NRTN: variants seen among roughly 807,000 people sequenced by gnomAD.
NRTN encodes prepro-neurturin.
NRTN carries 3 observed loss-of-function variants against 7.5 expected under a neutral mutation model. The observed-to-expected ratio is 0.40, with a 90% confidence interval of 0.18 to 1.03. The LOEUF (loss-of-function observed/expected upper bound fraction) is 1.03, where lower values mean the gene tolerates loss of function less well. NRTN is among the 50% of genes least tolerant of loss of function. The pLI, the probability that NRTN is intolerant of heterozygous loss-of-function variation, is 0.34. For synonymous variants in NRTN, 157 were observed against 146.6 expected (o/e 1.07, Z -0.51); for missense variants, 310 against 307.0 (o/e 1.01, Z -0.07).
At chr19:5,812,922 G>A (rs917033530) in intron 1 of NRTN, among the ~76,000 whole-genome samples, 28 of 152,286 alleles carry the variant, frequency 1.8e-4, no homozygotes, top group African/African-American at 6.5e-4. Context: ...ATGCCGCGGC[G>A]TTCACACACA....
In NRTN at chr19:5,811,206, C is replaced by T. The variant is rs534122098; in HGVS notation, c.-399+5755C>T. ...TGAGCCGAGATCGTGCAACTGCACT[C>T]CACAGCGAGACTTTTGTCTTGAAAA... On this transcript the variant is annotated intron_variant, in intron 1 of 2. Coordinates refer to ENST00000303212, the MANE Select transcript of NRTN (RefSeq NM_004558.5). Among the ~76,000 whole-genome samples the T allele has an allele frequency of 3.9e-5, 6 of 152,204 alleles. No individual in the cohort carries two copies. In the South Asian group the frequency reaches 1.2e-3, roughly 32 times the overall value.
In NRTN at chr19:5,828,213, C is replaced by A; in HGVS notation, c.*40C>A. The A allele has an allele frequency of 1.3e-6, 2 of 1,525,150 alleles. No homozygotes were observed. The highest frequency in any genetic ancestry group is 1.8e-6 in the Non-Finnish European group (2 of 1,141,688). The allele number at this position is 1,525,150 out of a possible 1,614,324, so 94.5% of individuals were successfully genotyped here. A position where few individuals can be genotyped will look rare whatever the true frequency, so the allele number is the denominator to read the frequency against. On this transcript the variant is annotated 3_prime_UTR_variant, in exon 3 of 3. Transcript: ENST00000303212. ...GCCGGCGCGGCGGCCACTCCCCCCG[C>A]CTCGACGGCACCACTGGCCGGCCCC...
chr19:5,812,172 GTTA>G (rs58005663), intron 1 of NRTN, among the ~76,000 whole-genome samples: 8 of 149,768 alleles, frequency 5.3e-5, no homozygotes, highest in African/African-American at 1.5e-4. Flanking sequence ...GCCGGGCCCA[GTTA>G]TTATTATTAT....
Position 5,823,957 on chromosome 19 carries a change from G to A in NRTN, c.-209G>A. 2 of 664,658 alleles carry A rather than the reference G, an allele frequency of 3.0e-6. No homozygotes were observed. Among genetic ancestry groups the A allele is most frequent in the South Asian group, 3.6e-5 (2 of 55,532 alleles). The allele number at this position is 664,658 out of a possible 1,614,324, so 41.2% of individuals were successfully genotyped here. ...GGCACTCCGGGACCCCCAGATGGGG[G>A]CGGTTCCCTGTGACTCCTGGCACGG... is the stretch of plus-strand genomic sequence containing the variant. On this transcript the variant is annotated 5_prime_UTR_variant, in exon 2 of 3. Coordinates refer to ENST00000303212, the MANE Select transcript of NRTN (RefSeq NM_004558.5).
intron 2 of NRTN, among the ~76,000 whole-genome samples, chr19:5,827,266 C>G (rs933707135): frequency 6.6e-6 from 1 of 152,106 alleles, no homozygotes; most frequent in African/African-American, 2.4e-5. Flanking sequence ...GGGAAGCAGC[C>G]CCCCAGTGCT....
chr19:5,809,372 A>G (rs966526738), intron 1 of NRTN, among the ~76,000 whole-genome samples: 22 of 148,040 alleles, frequency 1.5e-4, no homozygotes, highest in African/African-American at 5.2e-4. Flanking sequence ...GGGTCTCGCT[A>G]TGTTGCCCAG....
Position 5,827,999 on chromosome 19 carries a change from C to T in NRTN, c.420C>T (p.Val140=). Residue 140 remains valine (V), a synonymous_variant, in exon 3 of 3, where the codon GTC becomes GTT. Coordinates refer to ENST00000303212, the MANE Select transcript of NRTN (RefSeq NM_004558.5). ...GCGCCTGCGAGGCTGCCGCGCGCGT[C>T]TACGACCTCGGGCTGCGACGACTGC... ...CAGACEAAAR[V]YDLGLRRLRQ... The T allele has an allele frequency of 6.8e-7, 1 of 1,460,792 alleles. No individual in the cohort carries two copies. Among genetic ancestry groups the T allele is most frequent in the Non-Finnish European group, 9.0e-7 (1 of 1,112,068 alleles). The allele number at this position is 1,460,792 out of a possible 1,614,324, so 90.5% of individuals were successfully genotyped here.
chr19:5,817,485 AAG>A (rs1192485656), intron 1 of NRTN, among the ~76,000 whole-genome samples: 6 of 126,898 alleles, frequency 4.7e-5, no homozygotes, highest in South Asian at 5.6e-4. Flanking sequence ...AAGGAAGGGA[AAG>A]AGAGAGAGAA....
At chr19:5,807,441 C>T (rs913915557) in intron 1 of NRTN, among the ~76,000 whole-genome samples, 1 of 152,040 alleles carries the variant, frequency 6.6e-6, no homozygotes, top group African/African-American at 2.4e-5. Context: ...AGGTGGTGGC[C>T]GGGGGTTGGG....
In NRTN at chr19:5,824,248, T is replaced by C; in HGVS notation, c.83T>C (p.Leu28Pro). Residue 28 changes from leucine (L) to proline (P), a missense_variant, in exon 2 of 3, where the codon CTT (leucine) becomes CCT (proline). Coordinates refer to ENST00000303212, the MANE Select transcript of NRTN (RefSeq NM_004558.5). ...LSIWMCREGL[L>P]LSHRLGPALV... is the part of the protein sequence containing the mutation. ...ATCTGGATGTGTCGAGAGGGCCTGCTTCTCAGCCACCGCCTCGGACCTGCG... is the reference window on the plus strand; with the variant it reads ...ATCTGGATGTGTCGAGAGGGCCTGCCTCTCAGCCACCGCCTCGGACCTGCG... 6.2e-7 allele frequency: 1 copy of C among 1,612,248 alleles called. No individual in the cohort carries two copies. Among genetic ancestry groups the C allele is most frequent in the East Asian group, 2.2e-5 (1 of 44,866 alleles).
At chr19:5,824,438 A>T in intron 2 of NRTN, 104 bp downstream of exon 2, 1 of 1,411,854 alleles carries the variant, frequency 7.1e-7, no homozygotes, top group Admixed American at 2.0e-5. Flanking sequence ...TTTTTTAAAG[A>T]TAGGGCCAGC....
chr19:5,813,953 A>T (rs890103942), intron 1 of NRTN, among the ~76,000 whole-genome samples: 1 of 152,170 alleles, frequency 6.6e-6, no homozygotes, highest in Non-Finnish European at 1.5e-5. Context: ...GGTTGCAATC[A>T]GCTGAGATAA....
At position 5,806,495 on chromosome 19, in the gene NRTN, G is replaced by A. The variant is rs1441013228; in HGVS notation, c.-399+1044G>A. On this transcript the variant is annotated intron_variant, in intron 1 of 2. Coordinates refer to ENST00000303212, the MANE Select transcript of NRTN (RefSeq NM_004558.5). The surrounding 1 kb of genome is among the most constrained non-coding windows in gnomAD (Gnocchi z 5.4). The stretch of plus-strand genomic sequence containing the variant: ...CATGGCCCTCTTTGTCTGTCTCTGA[G>A]TGCCCCGGGCTGAGGAAGCCTGGGT... 6.6e-6 allele frequency among the ~76,000 whole-genome samples: 1 copy of A among 152,052 alleles called. No homozygotes were observed. The highest frequency in any genetic ancestry group is 6.6e-5 in the Admixed American group (1 of 15,250).
intron 1 of NRTN, among the ~76,000 whole-genome samples, chr19:5,811,083 A>C (rs1256613234): frequency 6.6e-6 from 1 of 151,806 alleles, no homozygotes; most frequent in African/African-American, 2.4e-5. Flanking sequence ...CTAAAAATAC[A>C]AAAAAATTAG....
rs1037274329 is a variant in NRTN, at chr19:5,811,011, A to T, written c.-399+5560A>T. 3.3e-5 allele frequency among the ~76,000 whole-genome samples: 5 copies of T among 151,684 alleles called. No individual in the cohort carries two copies. In the East Asian group the frequency reaches 9.7e-4, roughly 29 times the overall value. On this transcript the variant is annotated intron_variant, in intron 1 of 2. Coordinates refer to ENST00000303212, the MANE Select transcript of NRTN (RefSeq NM_004558.5). ...CAGCTCTTTGGGAGTCTGAGGCAGG[A>T]GGATCACTTGAGGTCAGGAGTTCAA...
chr19:5,825,990 C>T (rs1351058750), intron 2 of NRTN, among the ~76,000 whole-genome samples: 1 of 152,126 alleles, frequency 6.6e-6, no homozygotes, highest in Non-Finnish European at 1.5e-5. Context: ...AAAAAATTAG[C>T]CGGGCGTGGT....
At chr19:5,824,368 C>A in intron 2 of NRTN, 34 bp downstream of exon 2, 1 of 1,572,206 alleles carries the variant, frequency 6.4e-7, no homozygotes, top group Non-Finnish European at 8.6e-7. Flanking sequence ...TCAGATACCC[C>A]CAACGTAAGG....
chr19:5,816,954 G>A (rs980135808), intron 1 of NRTN, among the ~76,000 whole-genome samples: 8 of 152,200 alleles, frequency 5.3e-5, no homozygotes, highest in African/African-American at 1.2e-4. Flanking sequence ...GGATTCATGC[G>A]GTGGTGTTCT....
In NRTN at chr19:5,814,664, C is replaced by G. The variant is rs546587148; in HGVS notation, c.-398-9104C>G. Among the ~76,000 whole-genome samples, 11 of 152,322 alleles carry G rather than the reference C, an allele frequency of 7.2e-5. No homozygotes were observed. In the East Asian group the frequency reaches 2.1e-3, roughly 29 times the overall value. On this transcript the variant is annotated intron_variant, in intron 1 of 2. Transcript: ENST00000303212. The stretch of plus-strand genomic sequence containing the variant: ...GGTGCCAGAAACACACACCCTTGCG[C>G]TGGCTGTCTGTTGCTTTGGTTGATT...
Sources: gnomAD v4.1 joint callset for allele counts (sites outside exome capture counted in the v4.1 genomes callset) on GRCh38, gnomAD v4.1.1 for gene constraint, Gnocchi (gnomAD v3.1) non-coding constraint, MANE v1.5 for transcripts, NCBI Gene and HGNC (gene_info 2026-07-23, HGNC 2026-07-21) for gene names.